The following CTDSPL variants were observed in gnomAD, a reference collection of about 807,000 sequenced individuals.
CTDSPL encodes CTD small phosphatase-like protein.
In CTDSPL, 8 loss-of-function variants were observed where a neutral mutation model predicts 30.5. That is an observed-to-expected ratio of 0.26 (90% CI 0.15 to 0.47). The LOEUF (loss-of-function observed/expected upper bound fraction) is 0.47, where lower values mean the gene tolerates loss of function less well. Ranked by LOEUF, CTDSPL falls within the 20% of genes least tolerant of loss-of-function variation. The probability of loss-of-function intolerance (pLI) is 0.99; values close to 1 mark genes in which losing one functional copy is unlikely to be tolerated. For missense variants in CTDSPL, 248 were observed against 366.1 expected, an observed-to-expected ratio of 0.68 and a Z score of 2.63; for synonymous variants, 110 against 137.9, an observed-to-expected ratio of 0.80 and a Z score of 1.42.
intron 1 of CTDSPL, among the ~76,000 whole-genome samples, chr3:37,911,103 T>C (rs6792008): frequency 0.25 from 38,205 of 152,196 alleles, 6,574 homozygotes; most frequent in African/African-American, 0.49. Flanking sequence ...AGTGTGCACA[T>C]GCGGTCATTT....
intron 2 of CTDSPL, 126 bp from the exon 3 acceptor site, chr3:37,956,985 A>C: frequency 1.2e-6 from 1 of 810,408 alleles, no homozygotes; most frequent in Non-Finnish European, 2.1e-6. Context: ...TGTTGATTAA[A>C]CACCACCAAG....
At chr3:37,875,615 C>G (rs924858446) in intron 1 of CTDSPL, among the ~76,000 whole-genome samples, 2 of 152,194 alleles carry the variant, frequency 1.3e-5, no homozygotes, top group African/African-American at 4.8e-5. Flanking sequence ...TCTCTGTATT[C>G]TGATCAAGAT....
At chr3:37,876,106 G>A (rs535114939) in intron 1 of CTDSPL, among the ~76,000 whole-genome samples, 3 of 152,158 alleles carry the variant, frequency 2.0e-5, no homozygotes, top group South Asian at 2.1e-4. Context: ...TTAACAGGGC[G>A]TGGTGGTGCA....
intron 1 of CTDSPL, among the ~76,000 whole-genome samples, chr3:37,870,737 C>A (rs1321681827): frequency 6.6e-6 from 1 of 152,136 alleles, no homozygotes; most frequent in Non-Finnish European, 1.5e-5. Context: ...CTGTGTCCCA[C>A]GAATTTTGAT....
intron 1 of CTDSPL, among the ~76,000 whole-genome samples, chr3:37,932,458 T>C (rs556550371): frequency 1.3e-5 from 2 of 152,024 alleles, no homozygotes; most frequent in Non-Finnish European, 2.9e-5. Context: ...GTTGCTGATA[T>C]ATGACAAAGG....
chr3:37,904,929 A>T (rs899821017), intron 1 of CTDSPL, among the ~76,000 whole-genome samples: 3 of 152,096 alleles, frequency 2.0e-5, no homozygotes, highest in Non-Finnish European at 4.4e-5. Context: ...AACATGACTC[A>T]GTCTAATCAC....
intron 1 of CTDSPL, among the ~76,000 whole-genome samples, chr3:37,933,515 A>G (rs188985907): frequency 6.6e-6 from 1 of 152,264 alleles, no homozygotes; most frequent in East Asian, 1.9e-4. Context: ...TGCTTTTCTC[A>G]TTTACTGTCT....
At chr3:37,918,553 A>AGT (rs1698675769) in intron 1 of CTDSPL, among the ~76,000 whole-genome samples, 20 of 152,184 alleles carry the variant, frequency 1.3e-4, no homozygotes, top group Admixed American at 3.3e-4. Context: ...TCTATCCTTC[A>AGT]ATCACCTTCT....
At chr3:37,881,271 G>A (rs183595208) in intron 1 of CTDSPL, among the ~76,000 whole-genome samples, 38 of 152,252 alleles carry the variant, frequency 2.5e-4, no homozygotes, top group Non-Finnish European at 4.4e-5. Context: ...GCTCACACCT[G>A]TAATCCCAGC....
chr3:37,890,237 T>C (rs999932000), intron 1 of CTDSPL, among the ~76,000 whole-genome samples: 1 of 152,180 alleles, frequency 6.6e-6, no homozygotes, highest in Non-Finnish European at 1.5e-5. Flanking sequence ...TGGAAAAATT[T>C]GAATATAGAT....
chr3:37,933,420 A>G (rs1698878877), intron 1 of CTDSPL, among the ~76,000 whole-genome samples: 1 of 152,286 alleles, frequency 6.6e-6, no homozygotes, highest in Non-Finnish European at 1.5e-5. Flanking sequence ...GTACATATAC[A>G]TGTGTTTTAA....
chr3:37,905,407 T>C (rs1021668914), intron 1 of CTDSPL, among the ~76,000 whole-genome samples: 7 of 152,260 alleles, frequency 4.6e-5, no homozygotes, highest in African/African-American at 1.7e-4. Flanking sequence ...AGCCAGCCAG[T>C]TCTCCAGTCA....
chr3:37,862,117 G>GCCCCCGCGC lies in CTDSPL; in HGVS notation c.-72_-64dup, dbSNP rs1175853741. 17 of 500,206 alleles carry GCCCCCGCGC rather than the reference G, an allele frequency of 3.4e-5. No individual in the cohort carries two copies. The African/African-American group carries it at 3.5e-4, about 10-fold the overall frequency. 31.0% of individuals were successfully genotyped at this position (500,206 alleles called of 1,614,324 possible). ...GGCTGCGAGCGCCCCCCCGCGCCGC[G>GCCCCCGCGC]CCCCCGCGCCCCCCGCGCCGCGCCC... On this transcript the variant is annotated 5_prime_UTR_variant, in exon 1 of 8. Coordinates refer to ENST00000273179, the MANE Select transcript of CTDSPL (RefSeq NM_001008392.2). This position sits in a 1 kb window ranked among gnomAD's most constrained non-coding sequence, Gnocchi z 4.3.
intron 1 of CTDSPL, among the ~76,000 whole-genome samples, chr3:37,930,923 A>G (rs915917541): frequency 3.3e-5 from 5 of 152,106 alleles, no homozygotes; most frequent in African/African-American, 1.2e-4. Context: ...ATCATTATGT[A>G]ATATCTTTGT....
chr3:37,932,847 A>G (rs992233467), intron 1 of CTDSPL, among the ~76,000 whole-genome samples: 2 of 152,224 alleles, frequency 1.3e-5, no homozygotes, highest in Non-Finnish European at 1.5e-5. Flanking sequence ...ATAATCTGAC[A>G]TGGACATAAA....
At chr3:37,935,636 G>A (rs564403826) in intron 1 of CTDSPL, among the ~76,000 whole-genome samples, 1 of 152,342 alleles carries the variant, frequency 6.6e-6, no homozygotes, top group South Asian at 2.1e-4. Flanking sequence ...GAATTAGTGA[G>A]AGGTTGGTGG....
At position 37,982,755 on chromosome 3, in the gene CTDSPL, G is replaced by A. The variant is rs1699506718; in HGVS notation, c.*1888G>A. On this transcript the variant is annotated 3_prime_UTR_variant, in exon 8 of 8. Transcript: ENST00000273179. ...CTTGCTAGATATTACCACAGATAATGACAGTTACATGGTAGAACTGCCCAT... is the reference window on the plus strand; with the variant it reads ...CTTGCTAGATATTACCACAGATAATAACAGTTACATGGTAGAACTGCCCAT... 2.4e-6 allele frequency: 1 copy of A among 421,414 alleles called. No homozygotes were observed. The highest frequency in any genetic ancestry group is 4.9e-6 in the Non-Finnish European group (1 of 206,020). 26.1% of individuals were successfully genotyped at this position (421,414 alleles called of 1,614,324 possible).
chr3:37,980,392 G>A (rs1037488470), intron 7 of CTDSPL, among the ~76,000 whole-genome samples: 1 of 152,202 alleles, frequency 6.6e-6, no homozygotes, highest in Non-Finnish European at 1.5e-5. Flanking sequence ...TGAGGTGCAA[G>A]GAACCGATCT....
chr3:37,946,971 C>T (rs1699045954), intron 1 of CTDSPL, 86 bp from the exon 2 acceptor site: 1 of 1,426,562 alleles, frequency 7.0e-7, no homozygotes. Flanking sequence ...GTCTGGGGGG[C>T]AACTGCACAC....
Sources: allele counts gnomAD v4.1 joint callset (sites outside exome capture counted in the v4.1 genomes callset), GRCh38; gene constraint gnomAD v4.1.1; non-coding constraint Gnocchi (gnomAD v3.1); transcripts MANE v1.5; gene names NCBI Gene and HGNC (gene_info 2026-07-23, HGNC 2026-07-21).